MTSS1: variants seen among roughly 807,000 people sequenced by gnomAD.
The protein encoded by MTSS1 is protein MTSS 1.
Under a neutral mutation model 79.0 loss-of-function variants are expected in MTSS1, and 18 were observed. The observed-to-expected ratio is 0.23, with a 90% CI of 0.16 to 0.34. The LOEUF is 0.34. MTSS1 is among the 10% of genes least tolerant of loss of function. The pLI, the probability that MTSS1 is intolerant of heterozygous loss-of-function variation, is 1.00. For missense variants in MTSS1, 815 were observed against 986.2 expected (o/e 0.83, Z 2.33); for synonymous variants, 341 against 368.6 (o/e 0.93, Z 0.86).
intron 3 of MTSS1, among the ~76,000 whole-genome samples, chr8:124,607,052 C>G (rs2133174353): frequency 6.6e-6 from 1 of 152,160 alleles, no homozygotes; most frequent in East Asian, 1.9e-4. Context: ...TTTCTAGAAA[C>G]TGACGTTTTA....
In MTSS1 at chr8:124,728,149, C is replaced by T; in HGVS notation, c.-194G>A. The T allele has an allele frequency of 3.9e-6, 2 of 510,200 alleles. No individual in the cohort carries two copies. The highest frequency in any genetic ancestry group is 5.1e-5 in the South Asian group (2 of 39,344). The allele number at this position is 510,200 out of a possible 1,614,324, so 31.6% of individuals were successfully genotyped here. A position where few individuals can be genotyped will look rare whatever the true frequency, so the allele number is the denominator to read the frequency against. On this transcript the variant is annotated 5_prime_UTR_variant, in exon 1 of 14. Coordinates refer to ENST00000518547, the MANE Select transcript of MTSS1 (RefSeq NM_014751.6). This position sits in a 1 kb window ranked among gnomAD's most constrained non-coding sequence, Gnocchi z 6.1. Reference sequence around the variant, plus strand: ...AAAATAATAACAGTAATTTAAAAAGCCAAACCGCTCTGTAGGGTATTCGCC... The same window carrying T: ...AAAATAATAACAGTAATTTAAAAAGTCAAACCGCTCTGTAGGGTATTCGCC...
At chr8:124,726,053 A>T (rs1344080318) in intron 1 of MTSS1, among the ~76,000 whole-genome samples, 1 of 152,258 alleles carries the variant, frequency 6.6e-6, no homozygotes, top group African/African-American at 2.4e-5. Context: ...ACTCAAACCG[A>T]AAGAAGTCAG....
At chr8:124,608,764 T>G (rs887481611) in intron 3 of MTSS1, among the ~76,000 whole-genome samples, 1 of 152,172 alleles carries the variant, frequency 6.6e-6, no homozygotes, top group African/African-American at 2.4e-5. Flanking sequence ...GTGTGGAGGG[T>G]GCTGTGGGCA....
chr8:124,571,222 C>G (rs947726124), intron 6 of MTSS1, among the ~76,000 whole-genome samples: 2 of 152,258 alleles, frequency 1.3e-5, no homozygotes, highest in African/African-American at 4.8e-5. Context: ...TTCACAGAGA[C>G]CCACCACCTG....
At chr8:124,714,188 G>A (rs1406811991) in intron 1 of MTSS1, among the ~76,000 whole-genome samples, 1 of 152,198 alleles carries the variant, frequency 6.6e-6, no homozygotes, top group Non-Finnish European at 1.5e-5. Flanking sequence ...TGCCATGTGG[G>A]AATCTAAACT....
intron 3 of MTSS1, among the ~76,000 whole-genome samples, chr8:124,631,388 C>T (rs562272696): frequency 5.3e-5 from 8 of 152,282 alleles, no homozygotes; most frequent in South Asian, 2.1e-4. Context: ...CTAAAGAGTA[C>T]GTCCACGTGC....
rs1345696765 is a variant in MTSS1 at position 124,553,532 on chromosome 8, G to C, written c.1728C>G (p.Thr576=). Residue 576 remains threonine, a synonymous_variant, in exon 14 of 14, where the codon ACC becomes ACG. Coordinates refer to ENST00000518547, the MANE Select transcript of MTSS1 (RefSeq NM_014751.6). The surrounding 1 kb of genome is among the most constrained non-coding windows in gnomAD (Gnocchi z 6.0). ...CTGGAGTGACCATAGCAGGTCCCAG[G>C]GTGGTGGGGAGGCCAGCAGTTGAGG... ...RPASTAGLPT[T]LGPAMVTPGV... 5 of 1,614,026 alleles carry C rather than the reference G, an allele frequency of 3.1e-6. No homozygotes were observed. The highest frequency in any genetic ancestry group is 4.2e-6 in the Non-Finnish European group (5 of 1,180,032).
intron 3 of MTSS1, among the ~76,000 whole-genome samples, chr8:124,604,137 C>A (rs1302655560): frequency 1.3e-5 from 2 of 151,930 alleles, no homozygotes; most frequent in Non-Finnish European, 2.9e-5. Flanking sequence ...CGCTTGGACC[C>A]GGGAGGCGGA....
At chr8:124,579,335 T>A (rs1268021750) in intron 6 of MTSS1, among the ~76,000 whole-genome samples, 10 of 152,136 alleles carry the variant, frequency 6.6e-5, no homozygotes, top group African/African-American at 2.4e-4. Flanking sequence ...GATGAGTGGT[T>A]GTCAGGGTCA....
chr8:124,646,338 TC>T lies in MTSS1; in HGVS notation c.208+53187del, dbSNP rs1818995330. On this transcript the variant is annotated intron_variant, in intron 3 of 13. Transcript: ENST00000518547. ...AATAATGAATATAACTGCCATCTAA[TC>T]AGCATCTCTTGGTAAATAAATGACC... Among the ~76,000 whole-genome samples the T allele has an allele frequency of 2.0e-5, 3 of 152,330 alleles. No individual in the cohort carries two copies. In the South Asian group the frequency reaches 6.2e-4, roughly 32 times the overall value.
At chr8:124,657,254 G>T (rs923843845) in intron 3 of MTSS1, among the ~76,000 whole-genome samples, 3 of 152,120 alleles carry the variant, frequency 2.0e-5, no homozygotes, top group African/African-American at 4.8e-5. Flanking sequence ...CACAAAAAGG[G>T]GTTGGGCTGG....
intron 3 of MTSS1, 33 bp downstream of exon 3, chr8:124,699,493 G>T (rs771198576): frequency 6.2e-7 from 1 of 1,606,518 alleles, no homozygotes; most frequent in East Asian, 2.2e-5. Flanking sequence ...GCAGAATGCA[G>T]TTAACACTGG....
intron 3 of MTSS1, among the ~76,000 whole-genome samples, chr8:124,606,479 G>C (rs987532897): frequency 2.0e-5 from 3 of 152,080 alleles, no homozygotes; most frequent in African/African-American, 7.2e-5. Flanking sequence ...TCATTTTACA[G>C]ATGAGGCCAA....
At chr8:124,646,471 G>A (rs1476454428) in intron 3 of MTSS1, among the ~76,000 whole-genome samples, 1 of 151,974 alleles carries the variant, frequency 6.6e-6, no homozygotes, top group East Asian at 1.9e-4. Flanking sequence ...CTTTAGATAA[G>A]GCATCTCTTA....
intron 3 of MTSS1, among the ~76,000 whole-genome samples, chr8:124,691,071 C>T (rs1457238745): frequency 2.6e-5 from 4 of 152,074 alleles, no homozygotes; most frequent in African/African-American, 9.7e-5. Flanking sequence ...TTCACATGCC[C>T]GGGCCATTTT....
At chr8:124,613,347 G>C (rs1836229957) in intron 3 of MTSS1, among the ~76,000 whole-genome samples, 1 of 152,194 alleles carries the variant, frequency 6.6e-6, no homozygotes, top group African/African-American at 2.4e-5. Flanking sequence ...AGGATGCTGA[G>C]TGCCAGGCCC....
chr8:124,562,068 C>G (rs1825455540), intron 10 of MTSS1, among the ~76,000 whole-genome samples: 1 of 152,106 alleles, frequency 6.6e-6, no homozygotes, highest in African/African-American at 2.4e-5. Context: ...AAGTTCAAGG[C>G]CGACACCAAC....
At chr8:124,690,197 T>C (rs1403088763) in intron 3 of MTSS1, among the ~76,000 whole-genome samples, 3 of 152,198 alleles carry the variant, frequency 2.0e-5, no homozygotes, top group Non-Finnish European at 4.4e-5. Context: ...TTCACCGGCA[T>C]TGATGAAGGC....
chr8:124,629,156 A>G (rs1815340513), intron 3 of MTSS1, among the ~76,000 whole-genome samples: 1 of 152,222 alleles, frequency 6.6e-6, no homozygotes, highest in Non-Finnish European at 1.5e-5. Context: ...CCCATTTTAT[A>G]GATGAGAAAA....
Sources: gnomAD v4.1 joint callset for allele counts (sites outside exome capture counted in the v4.1 genomes callset) on GRCh38, gnomAD v4.1.1 for gene constraint, Gnocchi (gnomAD v3.1) non-coding constraint, MANE v1.5 for transcripts, NCBI Gene and HGNC (gene_info 2026-07-23, HGNC 2026-07-21) for gene names.